Variants in MAPK8 observed in about 807,000 individuals in gnomAD.
MAPK8 encodes the protein mitogen-activated protein kinase 8, also known as JUN N-terminal kinase.
In MAPK8, 13 loss-of-function variants were observed where a neutral mutation model predicts 52.9. The observed-to-expected ratio is 0.25, with a 90% CI of 0.16 to 0.39. The LOEUF (loss-of-function observed/expected upper bound fraction) is 0.39, where lower values mean the gene tolerates loss of function less well. MAPK8 is among the 10% of genes least tolerant of loss of function. MAPK8 has a pLI of 1.00. For synonymous variants in MAPK8, 191 were observed against 169.8 expected, an observed-to-expected ratio of 1.12 and a Z score of -0.97; for missense variants, 300 against 519.2, an observed-to-expected ratio of 0.58 and a Z score of 4.10.
At chr10:48,378,245 G>C (rs974766267) in intron 1 of MAPK8, among the ~76,000 whole-genome samples, 3 of 152,142 alleles carry the variant, frequency 2.0e-5, no homozygotes, top group East Asian at 3.9e-4. Flanking sequence ...AAATGTCTCA[G>C]TGAGGAATTT....
intron 1 of MAPK8, among the ~76,000 whole-genome samples, chr10:48,381,079 C>T (rs1451758041): frequency 1.3e-5 from 2 of 152,134 alleles, no homozygotes; most frequent in East Asian, 3.8e-4. Context: ...CTCCTGTTAA[C>T]ACTACCTGAA....
At chr10:48,344,017 C>T (rs542658856) in intron 1 of MAPK8, among the ~76,000 whole-genome samples, 1 of 152,182 alleles carries the variant, frequency 6.6e-6, no homozygotes, top group Non-Finnish European at 1.5e-5. Flanking sequence ...TTTGAATCCT[C>T]TACTGCTTAC....
rs2045029208 is a variant in MAPK8, at chr10:48,438,392, G to T, written c.*3363G>T. The T allele has an allele frequency of 6.6e-6, 1 of 152,234 alleles. No homozygotes were observed. Among genetic ancestry groups the T allele is most frequent in the Non-Finnish European group, 1.5e-5 (1 of 68,040 alleles). The allele number at this position is 152,234 out of a possible 1,614,324, so 9.4% of individuals were successfully genotyped here. On this transcript the variant is annotated 3_prime_UTR_variant, in exon 12 of 12. Transcript: ENST00000374189. Reference sequence around the variant, plus strand: ...AGGTAAAGGGCATTGAAGCAGAAATGTATAGTTTGGGGTACGATTAGAAAA... The same window carrying T: ...AGGTAAAGGGCATTGAAGCAGAAATTTATAGTTTGGGGTACGATTAGAAAA...
At chr10:48,346,087 C>G (rs1446072181) in intron 1 of MAPK8, among the ~76,000 whole-genome samples, 2 of 152,150 alleles carry the variant, frequency 1.3e-5, no homozygotes. Context: ...GTCCCGTCTT[C>G]CCTTCACCCC....
At chr10:48,385,635 C>CT (rs777398154) in intron 1 of MAPK8, among the ~76,000 whole-genome samples, 5 of 151,846 alleles carry the variant, frequency 3.3e-5, no homozygotes, top group Non-Finnish European at 5.9e-5. Flanking sequence ...ATTAGCCAGG[C>CT]TTTAGGCCTT....
In MAPK8 at chr10:48,349,158, G is replaced by C. The variant is rs1179140172; in HGVS notation, c.-50+42337G>C. 2.0e-5 allele frequency among the ~76,000 whole-genome samples: 3 copies of C among 152,246 alleles called. No individual in the cohort carries two copies. The East Asian group carries it at 5.8e-4, about 29-fold the overall frequency. ...TCTTAGAGACCTACAAAGAGACTTA[G>C]ACCCCCGTACAATAATAGTGGGCGA... On this transcript the variant is annotated intron_variant, in intron 1 of 11. Transcript: ENST00000374189.
rs1021383034 is a variant in MAPK8 at position 48,434,921 on chromosome 10, A to G, written c.1176A>G (p.Ser392=). 7 of 1,613,428 alleles carry G rather than the reference A, an allele frequency of 4.3e-6. No individual in the cohort carries two copies. Among genetic ancestry groups the G allele is most frequent in the Non-Finnish European group, 5.9e-6 (7 of 1,179,840 alleles). Residue 392 remains serine (S), a synonymous_variant, in exon 12 of 12, where the codon TCA becomes TCG. Coordinates refer to ENST00000374189, the MANE Select transcript of MAPK8 (RefSeq NM_001323329.2). The stretch of plus-strand genomic sequence containing the variant: ...TCAATGGCTCTCAGCATCCATCATC[A>G]TCGTCGTCTGTCAATGATGTGTCTT... ...AVINGSQHPS[S]SSSVNDVSSM... is the part of the protein sequence containing the mutation.
At chr10:48,431,541 T>C (rs1158158243) in intron 11 of MAPK8, among the ~76,000 whole-genome samples, 1 of 152,230 alleles carries the variant, frequency 6.6e-6, no homozygotes, top group African/African-American at 2.4e-5. Flanking sequence ...GCTGGGTCTT[T>C]AAAGAGGAAA....
rs11101321 is a variant in MAPK8 at position 48,438,109 on chromosome 10, G to A, written c.*3080G>A. ...GAGGTTAGAACATAGAATATTTTCAGAAATACTGTTGTAGTTTGTGAGTGT... is the reference window on the plus strand; with the variant it reads ...GAGGTTAGAACATAGAATATTTTCAAAAATACTGTTGTAGTTTGTGAGTGT... On this transcript the variant is annotated 3_prime_UTR_variant, in exon 12 of 12. Transcript: ENST00000374189. The A allele has an allele frequency of 1.6e-4, 25 of 152,332 alleles. No individual in the cohort carries two copies. Among genetic ancestry groups the A allele is most frequent in the Non-Finnish European group, 3.4e-4 (23 of 68,034 alleles). 9.4% of individuals were successfully genotyped at this position (152,332 alleles called of 1,614,324 possible).
At chr10:48,370,017 T>C (rs528415610) in intron 1 of MAPK8, among the ~76,000 whole-genome samples, 2 of 152,084 alleles carry the variant, frequency 1.3e-5, no homozygotes, top group Non-Finnish European at 2.9e-5. Flanking sequence ...GACAGCGAAG[T>C]AAGGTTTTTA....
chr10:48,377,373 C>G (rs996249639), intron 1 of MAPK8, among the ~76,000 whole-genome samples: 1 of 148,556 alleles, frequency 6.7e-6, no homozygotes, highest in Non-Finnish European at 1.5e-5. Flanking sequence ...AAAAAAAATA[C>G]ATTTCTTGGA....
rs59042608 is a variant in MAPK8, at chr10:48,413,815, TTATATATATATATATATATATATATA to T, written c.450+3667_450+3692del. Among the ~76,000 whole-genome samples the T allele has an allele frequency of 4.0e-3, 195 of 48,414 alleles. 9 individuals are homozygous for T. The highest frequency in any genetic ancestry group is 0.038 in the East Asian group (32 of 836). The allele number at this position is 48,414 out of a possible 152,430, so 31.8% of individuals were successfully genotyped here. On this transcript the variant is annotated intron_variant, in intron 5 of 11. Transcript: ENST00000374189. ...CAAAATTGAGTATTTGCCAGAATTGTTATATATATATATATATATATATATATATATATATATATATATATTCAGAA... is the reference window on the plus strand; with the variant it reads ...CAAAATTGAGTATTTGCCAGAATTGTTATATATATATATATATATTCAGAA...
At chr10:48,388,101 C>T (rs182172567) in intron 1 of MAPK8, among the ~76,000 whole-genome samples, 13 of 152,276 alleles carry the variant, frequency 8.5e-5, no homozygotes, top group Non-Finnish European at 1.6e-4. Flanking sequence ...CAGCTTTAAA[C>T]ATGGTATAGG....
At chr10:48,395,346 G>A (rs936980529) in intron 1 of MAPK8, among the ~76,000 whole-genome samples, 14 of 152,112 alleles carry the variant, frequency 9.2e-5, no homozygotes, top group Non-Finnish European at 1.9e-4. Context: ...TCAGAAATAG[G>A]CCCAGACACA....
At chr10:48,384,637 T>TA (rs2041205727) in intron 1 of MAPK8, among the ~76,000 whole-genome samples, 1 of 152,184 alleles carries the variant, frequency 6.6e-6, no homozygotes, top group Non-Finnish European at 1.5e-5. Flanking sequence ...AGACCTCTTC[T>TA]AAAAAAGAAG....
At chr10:48,310,531 A>G (rs1162612045) in intron 1 of MAPK8, among the ~76,000 whole-genome samples, 1 of 152,180 alleles carries the variant, frequency 6.6e-6, no homozygotes. Flanking sequence ...ATGAGACCGT[A>G]TGCTCCCAGA....
At chr10:48,376,828 A>T (rs918466481) in intron 1 of MAPK8, among the ~76,000 whole-genome samples, 2 of 152,194 alleles carry the variant, frequency 1.3e-5, no homozygotes, top group African/African-American at 2.4e-5. Flanking sequence ...AAGGATCTAG[A>T]GCTAGAAATA....
intron 1 of MAPK8, among the ~76,000 whole-genome samples, chr10:48,321,692 T>G (rs1843011274): frequency 6.6e-6 from 1 of 152,212 alleles, no homozygotes; most frequent in Non-Finnish European, 1.5e-5. Flanking sequence ...TGGTGTATGG[T>G]ATAAGGAAGG....
intron 1 of MAPK8, among the ~76,000 whole-genome samples, chr10:48,376,926 A>G (rs1357025350): frequency 2.6e-5 from 4 of 152,216 alleles, no homozygotes; most frequent in Non-Finnish European, 5.9e-5. Flanking sequence ...ATGTATGTTT[A>G]TTGTGTCACT....
Sources: gnomAD v4.1 joint callset for allele counts (sites outside exome capture counted in the v4.1 genomes callset) on GRCh38, gnomAD v4.1.1 for gene constraint, MANE v1.5 for transcripts, NCBI Gene and HGNC (gene_info 2026-07-23, HGNC 2026-07-21) for gene names.